The following C2 variants were observed in gnomAD, a reference collection of about 807,000 sequenced individuals.
C2 encodes C3/C5 convertase.
In C2, 64 loss-of-function variants were observed where a neutral mutation model predicts 85.2. That is an observed-to-expected ratio of 0.75 (90% CI 0.61 to 0.92). The LOEUF (loss-of-function observed/expected upper bound fraction) is 0.92, where lower values mean the gene tolerates loss of function less well. Ranked by LOEUF, C2 falls within the 40% of genes least tolerant of loss-of-function variation. The pLI, the probability that C2 is intolerant of heterozygous loss-of-function variation, is 0.00. For synonymous variants in C2, 311 were observed against 370.8 expected (o/e 0.84, Z 1.85); for missense variants, 820 against 971.6 (o/e 0.84, Z 2.07).
At chr6:31,918,588 G>C (rs1768721845), upstream of C2, among the ~76,000 whole-genome samples, 1 of 147,132 alleles carries the variant, frequency 6.8e-6, no homozygotes, top group South Asian at 2.2e-4. Context: ...GTGAGACCCT[G>C]TCTTTAACTT....
chr6:31,898,001 C>A, upstream of C2: 1 of 764,922 alleles, frequency 1.3e-6, no homozygotes, highest in Non-Finnish European at 1.6e-6. Context: ...TTCCTCTGGC[C>A]TGGTTGGGCT....
At chr6:31,929,448 C>T (rs1483229862) in intron 3 of C2, among the ~76,000 whole-genome samples, 2 of 152,110 alleles carry the variant, frequency 1.3e-5, no homozygotes, top group Non-Finnish European at 2.9e-5. Context: ...CCCTGGAGTG[C>T]GGTGGCTCAC....
In C2 at chr6:31,935,934, T is replaced by C; in HGVS notation, c.861T>C (p.Phe287=). 2 of 1,612,744 alleles carry C rather than the reference T, an allele frequency of 1.2e-6. No individual in the cohort carries two copies. The highest frequency in any genetic ancestry group is 1.7e-6 in the Non-Finnish European group (2 of 1,179,768). The change falls in exon 7 of 18, where the codon TTT becomes TTC. Residue 287 remains phenylalanine, a synonymous_variant. Transcript: ENST00000299367. The surrounding 1 kb of genome is among the most constrained non-coding windows in gnomAD (Gnocchi z 4.3). ...ASLMVDRIFS[F]EINVSVAIIT... Reference sequence around the variant, plus strand: ...CTTGCCCCGCACAGATCTTCAGCTTTGAGATCAATGTGAGCGTTGCCATTA... The same window carrying C: ...CTTGCCCCGCACAGATCTTCAGCTTCGAGATCAATGTGAGCGTTGCCATTA...
intron 8 of C2, among the ~76,000 whole-genome samples, chr6:31,938,306 C>T (rs1049459101): frequency 1.9e-4 from 29 of 152,092 alleles, no homozygotes; most frequent in African/African-American, 6.8e-4. Context: ...CCAAATTACA[C>T]AGTTCCTCCA....
upstream of C2, chr6:31,900,474 G>C: frequency 6.2e-7 from 1 of 1,601,938 alleles, no homozygotes; most frequent in African/African-American, 1.3e-5. The surrounding 1 kb of genome is among the most constrained non-coding windows in gnomAD (Gnocchi z 9.7). Flanking sequence ...ATCAACAGCA[G>C]GCCCTCCCCT....
chr6:31,934,352 C>T, intron 6 of C2, 53 bp downstream of exon 6: 1 of 1,612,168 alleles, frequency 6.2e-7, no homozygotes, highest in Non-Finnish European at 8.5e-7. Context: ...CTCACTATCT[C>T]TCTCTGTCTC....
chr6:31,939,361 C>T (rs749654250), intron 9 of C2, 41 bp downstream of exon 9: 1 of 1,434,952 alleles, frequency 7.0e-7, no homozygotes. Context: ...TCTGCTCCTG[C>T]AGAGGTCATG....
chr6:31,934,696 C>A (rs757557449), intron 6 of C2: 9 of 1,225,096 alleles, frequency 7.3e-6, no homozygotes, highest in Non-Finnish European at 7.1e-6. Context: ...AAAACTTCAA[C>A]ATTTTGTGCA....
intron 1 of C2, among the ~76,000 whole-genome samples, chr6:31,905,726 G>T (rs1251393877): frequency 6.6e-6 from 1 of 152,056 alleles, no homozygotes; most frequent in Non-Finnish European, 1.5e-5. Context: ...AGTCATCAAG[G>T]CTCCCCAGGT....
chr6:31,944,937 A>T lies in C2; in HGVS notation c.2030-43A>T. The T allele has an allele frequency of 1.2e-6, 2 of 1,612,956 alleles. No individual in the cohort carries two copies. The highest frequency in any genetic ancestry group is 1.7e-6 in the Non-Finnish European group (2 of 1,179,900). On this transcript the variant is annotated intron_variant, in intron 16 of 17. Coordinates refer to ENST00000299367, the MANE Select transcript of C2 (RefSeq NM_000063.6). This position sits in a 1 kb window ranked among gnomAD's most constrained non-coding sequence, Gnocchi z 5.1. ...AGCATGCATGCCAGAACACCAGTCC[A>T]CTGCCCTAGATGACACTGTCTCCTG...
Position 31,920,960 on chromosome 6 carries a change from G to A in C2, c.-100+934G>A, listed in dbSNP as rs1768922200. ...CCCTGGAAGAGCCTGGGCATGGGGA[G>A]GAGCCCCATGGGGCAGGGCAAAACC... On this transcript the variant is annotated intron_variant, in intron 1 of 3. Coordinates refer to the C2 transcript ENST00000413154. The surrounding 1 kb of genome is among the most constrained non-coding windows in gnomAD (Gnocchi z 5.6). Among the ~76,000 whole-genome samples the A allele has an allele frequency of 6.6e-6, 1 of 152,194 alleles. No individual in the cohort carries two copies. Among genetic ancestry groups the A allele is most frequent in the Non-Finnish European group, 1.5e-5 (1 of 68,030 alleles).
Position 31,944,274 on chromosome 6 carries a change from C to T in C2, c.1902+48C>T. ...GCTGGGATCCCCCTGTGACAGCTCC[C>T]AGAATGTCTCTCTTCCTTCTCCAGG... On this transcript the variant is annotated intron_variant, in intron 15 of 17. Transcript: ENST00000299367. This position sits in a 1 kb window ranked among gnomAD's most constrained non-coding sequence, Gnocchi z 5.1. The T allele has an allele frequency of 7.9e-7, 1 of 1,259,838 alleles. No homozygotes were observed. 78.0% of individuals were successfully genotyped at this position (1,259,838 alleles called of 1,614,324 possible). A position where few individuals can be genotyped will look rare whatever the true frequency, so the allele number is the denominator to read the frequency against.
chr6:31,897,785 C>T, upstream of C2: 2 of 978,656 alleles, frequency 2.0e-6, no homozygotes, highest in Non-Finnish European at 2.6e-6. Context: ...GCTTTTTGGC[C>T]ATTTTCCCCT....
chr6:31,938,481 CAT>C (rs28993458), intron 8 of C2, among the ~76,000 whole-genome samples: 3,680 of 142,906 alleles, frequency 0.026, 70 homozygotes, highest in South Asian at 0.058. Context: ...TGTATACATA[CAT>C]ATATATATAT....
upstream of C2, chr6:31,898,008 G>C: frequency 1.5e-6 from 1 of 651,932 alleles, no homozygotes; most frequent in Non-Finnish European, 1.9e-6. Context: ...GGCCTGGTTG[G>C]GCTTTTCCCG....
At chr6:31,928,429 T>C (rs1441007933) in intron 2 of C2, among the ~76,000 whole-genome samples, 7 of 152,092 alleles carry the variant, frequency 4.6e-5, no homozygotes, top group African/African-American at 1.2e-4. Flanking sequence ...GAACAGATGC[T>C]GAATGGTCCT....
intron 1 of C2, among the ~76,000 whole-genome samples, chr6:31,912,846 GAAA>G (rs1178093181): frequency 6.3e-5 from 2 of 31,662 alleles, no homozygotes; most frequent in Non-Finnish European, 1.0e-4. Context: ...TCTCAAAAAA[GAAA>G]AAAAAAAAAA....
chr6:31,904,553 A>T lies in C2; in HGVS notation c.73+3414A>T, dbSNP rs1767593233. ...GGTCTCGAACTCCTGACCTCGGGTG[A>T]TCCACCTTGCTCAGCCTCCCAAAGT... is the stretch of plus-strand genomic sequence containing the variant. On this transcript the variant is annotated intron_variant, in intron 1 of 3. Coordinates refer to the C2 transcript ENST00000452202. The surrounding 1 kb of genome is among the most constrained non-coding windows in gnomAD (Gnocchi z 4.4). Among the ~76,000 whole-genome samples, 1 of 151,956 alleles carries T rather than the reference A, an allele frequency of 6.6e-6. No homozygotes were observed. Among genetic ancestry groups the T allele is most frequent in the Non-Finnish European group, 1.5e-5 (1 of 68,016 alleles).
chr6:31,928,201 C>G, intron 2 of C2, 37 bp downstream of exon 2: 1 of 1,559,954 alleles, frequency 6.4e-7, no homozygotes, highest in Non-Finnish European at 8.7e-7. Context: ...GGGTGCTACA[C>G]CAGGGGCCAC....
Sources: gnomAD v4.1 joint callset for allele counts (sites outside exome capture counted in the v4.1 genomes callset) on GRCh38, gnomAD v4.1.1 for gene constraint, Gnocchi (gnomAD v3.1) non-coding constraint, MANE v1.5 for transcripts, NCBI Gene and HGNC (gene_info 2026-07-23, HGNC 2026-07-21) for gene names.